Variants in SUSD4 observed in about 807,000 individuals in gnomAD.
SUSD4 encodes sushi domain-containing protein 4.
In SUSD4, 41 loss-of-function variants were observed where a neutral mutation model predicts 50.5. That is an observed-to-expected ratio of 0.81 (90% confidence interval 0.63 to 1.05). SUSD4 has a LOEUF of 1.05. Ranked by LOEUF, SUSD4 falls within the 50% of genes least tolerant of loss-of-function variation. The pLI is 0.00. For synonymous variants in SUSD4, 257 were observed against 257.3 expected (o/e 1.00, Z 0.01); for missense variants, 580 against 634.7 (o/e 0.91, Z 0.93).
chr1:223,277,359 G>C (rs1425672212), intron 3 of SUSD4, among the ~76,000 whole-genome samples: 2 of 151,960 alleles, frequency 1.3e-5, no homozygotes, highest in East Asian at 3.9e-4. Context: ...GTTAAGCATG[G>C]AGACAGAGCA....
intron 2 of SUSD4, among the ~76,000 whole-genome samples, chr1:223,339,778 G>A (rs1667652887): frequency 6.6e-6 from 1 of 152,226 alleles, no homozygotes; most frequent in African/African-American, 2.4e-5. Context: ...CAAGCTTCAT[G>A]TGTATACACC....
intron 4 of SUSD4, 35 bp from the exon 5 acceptor site, chr1:223,264,853 C>A: frequency 6.3e-7 from 1 of 1,598,332 alleles, no homozygotes; most frequent in South Asian, 1.1e-5. Flanking sequence ...AAAGATTCCA[C>A]TCTGTCATCT....
At chr1:223,236,004 C>T (rs961692781) in intron 5 of SUSD4, among the ~76,000 whole-genome samples, 74 of 152,200 alleles carry the variant, frequency 4.9e-4, no homozygotes, top group Non-Finnish European at 1.2e-4. Context: ...TCCTGTTGCT[C>T]CACATCCTCT....
At chr1:223,359,203 C>T in intron 2 of SUSD4, 1 of 461,404 alleles carries the variant, frequency 2.2e-6, no homozygotes, top group Non-Finnish European at 4.5e-6. Flanking sequence ...TTCCCCACTG[C>T]CTGCTGTGTG....
chr1:223,298,446 A>G (rs1283305420), intron 2 of SUSD4, among the ~76,000 whole-genome samples: 1 of 152,182 alleles, frequency 6.6e-6, no homozygotes, highest in Non-Finnish European at 1.5e-5. Flanking sequence ...CCACAGCTCC[A>G]AACACTTCAG....
At chr1:223,316,784 A>G (rs1180045231) in intron 2 of SUSD4, among the ~76,000 whole-genome samples, 1 of 152,026 alleles carries the variant, frequency 6.6e-6, no homozygotes, top group Non-Finnish European at 1.5e-5. Context: ...GTCACAGGGC[A>G]GGATCCAAAT....
chr1:223,347,164 C>T (rs1348935275), intron 2 of SUSD4, among the ~76,000 whole-genome samples: 4 of 152,086 alleles, frequency 2.6e-5, no homozygotes, highest in African/African-American at 9.7e-5. Flanking sequence ...GAAAATTGGG[C>T]ATCCATCCCT....
At position 223,292,592 on chromosome 1, in the gene SUSD4, G is replaced by A; in HGVS notation, c.208C>T (p.Pro70Ser). 6.2e-7 allele frequency: 1 copy of A among 1,614,098 alleles called. No homozygotes were observed. Among genetic ancestry groups the A allele is most frequent in the Non-Finnish European group, 8.5e-7 (1 of 1,180,012 alleles). The change falls in exon 3 of 9, where the codon CCC (proline) becomes TCC (serine). Residue 70 changes from proline (P) to serine (S), a missense_variant. Physicochemically the swap from Pro to Ser is moderately conservative, Grantham distance 74. Coordinates refer to ENST00000366878, the MANE Select transcript of SUSD4 (RefSeq NM_017982.4). ...PGIPENGFRT[P>S]SGGVFFEGSV... ...CCTTCAAAGAAAACCCCTCCGCTGG[G>A]GGTCCTGAAGCCATTCTCGGGAATG...
intron 4 of SUSD4, among the ~76,000 whole-genome samples, chr1:223,266,884 TG>T (rs1486733732): frequency 6.6e-6 from 1 of 152,236 alleles, no homozygotes; most frequent in Non-Finnish European, 1.5e-5. Flanking sequence ...TGAGCAACAC[TG>T]GAGCAGTGGC....
Position 223,351,166 on chromosome 1 carries a change from C to G in SUSD4, c.148+12112G>C, listed in dbSNP as rs372546314. On this transcript the variant is annotated intron_variant, in intron 2 of 8. Coordinates refer to ENST00000366878, the MANE Select transcript of SUSD4 (RefSeq NM_017982.4). ...GGGCTTGCCCCACATATAAAGCCAC[C>G]AAAGCAGTAGAGCAAGGATTCCAGT... Among the ~76,000 whole-genome samples, 16 of 152,346 alleles carry G rather than the reference C, an allele frequency of 1.1e-4. No homozygotes were observed. The East Asian group carries it at 2.7e-3, about 26-fold the overall frequency.
At chr1:223,306,519 T>C (rs1572023858) in intron 2 of SUSD4, among the ~76,000 whole-genome samples, 1 of 152,238 alleles carries the variant, frequency 6.6e-6, no homozygotes, top group Non-Finnish European at 1.5e-5. Context: ...TGAGATAGGG[T>C]CTCACTCTGT....
chr1:223,232,705 A>G (rs1659975400), intron 5 of SUSD4, among the ~76,000 whole-genome samples: 1 of 152,206 alleles, frequency 6.6e-6, no homozygotes, highest in African/African-American at 2.4e-5. Context: ...CATTTAATCA[A>G]TCATTTAATG....
At chr1:223,358,238 C>A (rs1181091231) in intron 2 of SUSD4, among the ~76,000 whole-genome samples, 1 of 151,808 alleles carries the variant, frequency 6.6e-6, no homozygotes, top group African/African-American at 2.4e-5. Flanking sequence ...ACAATAGACA[C>A]TGGAAAAAGA....
chr1:223,305,041 G>C (rs1665449709), intron 2 of SUSD4, among the ~76,000 whole-genome samples: 1 of 151,494 alleles, frequency 6.6e-6, no homozygotes, highest in South Asian at 2.1e-4. Flanking sequence ...GAACTTAGGA[G>C]CAATAACAAA....
intron 7 of SUSD4, among the ~76,000 whole-genome samples, 186 bp from the exon 8 acceptor site, chr1:223,223,817 G>C (rs1274563002): frequency 1.3e-5 from 2 of 152,214 alleles, no homozygotes; most frequent in Admixed American, 1.3e-4. Context: ...CTGCCATCCC[G>C]GCTGCCCATG....
chr1:223,344,407 C>T (rs1232383742), intron 2 of SUSD4, among the ~76,000 whole-genome samples: 1 of 152,078 alleles, frequency 6.6e-6, no homozygotes, highest in Admixed American at 6.5e-5. Context: ...ACCTGCCTGG[C>T]GCAGTGAACA....
chr1:223,257,810 G>A (rs142918197), intron 5 of SUSD4, among the ~76,000 whole-genome samples: 164 of 152,336 alleles, frequency 1.1e-3, no homozygotes, highest in African/African-American at 3.6e-3. Context: ...GGGACAGGTG[G>A]CAGGAGGAAG....
At chr1:223,289,386 G>T (rs1664339870) in intron 3 of SUSD4, 2 of 827,998 alleles carry the variant, frequency 2.4e-6, no homozygotes, top group South Asian at 5.5e-5. Context: ...CTTGGAAGAA[G>T]CAAGTTGAAT....
intron 2 of SUSD4, among the ~76,000 whole-genome samples, chr1:223,293,485 T>C (rs1664627700): frequency 6.6e-6 from 1 of 152,102 alleles, no homozygotes; most frequent in South Asian, 2.1e-4. Flanking sequence ...TATTCAGTGC[T>C]CCATACCAGT....
Sources: gnomAD v4.1 joint callset for allele counts (sites outside exome capture counted in the v4.1 genomes callset) on GRCh38, gnomAD v4.1.1 for gene constraint, MANE v1.5 for transcripts, NCBI Gene and HGNC (gene_info 2026-07-23, HGNC 2026-07-21) for gene names.